PDSS2: variants seen among roughly 807,000 people sequenced by gnomAD.
The protein encoded by PDSS2 is decaprenyl diphosphate synthase subunit 2, also known as all trans-polyprenyl-diphosphate synthase PDSS2.
PDSS2 carries 31 observed loss-of-function variants against 44.5 expected under a neutral mutation model. The ratio of observed to expected loss-of-function variants is 0.70; its 90% CI spans 0.52 to 0.94. The LOEUF (loss-of-function observed/expected upper bound fraction) is 0.94. PDSS2 is among the 40% of genes least tolerant of loss of function. The pLI is 0.00. For missense variants in PDSS2, 452 were observed against 482.2 expected, an observed-to-expected ratio of 0.94 and a Z score of 0.59; for synonymous variants, 157 against 180.3, an observed-to-expected ratio of 0.87 and a Z score of 1.03.
At chr6:107,278,740 T>C (rs1212081254) in intron 2 of PDSS2, among the ~76,000 whole-genome samples, 2 of 152,088 alleles carry the variant, frequency 1.3e-5, no homozygotes, top group Non-Finnish European at 2.9e-5. Context: ...ACAAAAACAA[T>C]GGTATGCAAT....
At chr6:107,290,577 C>G (rs910727891) in intron 2 of PDSS2, among the ~76,000 whole-genome samples, 3 of 152,166 alleles carry the variant, frequency 2.0e-5, no homozygotes, top group Admixed American at 2.0e-4. Context: ...CTCATTCACT[C>G]TCTTCTGTGA....
chr6:107,216,943 AG>A (rs1283875827), intron 4 of PDSS2, among the ~76,000 whole-genome samples: 1 of 152,224 alleles, frequency 6.6e-6, no homozygotes, highest in Non-Finnish European at 1.5e-5. Flanking sequence ...AACTATATAT[AG>A]GGATTTGCTA....
In PDSS2 at chr6:107,253,318, G is replaced by A. The variant is rs974064556; in HGVS notation, c.631-7699C>T. Among the ~76,000 whole-genome samples the A allele has an allele frequency of 7.2e-5, 11 of 152,344 alleles. No individual in the cohort carries two copies. In the East Asian group the frequency reaches 2.1e-3, roughly 29 times the overall value. ...TCCCAAGTGCTGGGATTACAGGCGTGAGCCACTGCACCCGGCCATGTTTGT... is the reference window on the plus strand; with the variant it reads ...TCCCAAGTGCTGGGATTACAGGCGTAAGCCACTGCACCCGGCCATGTTTGT... On this transcript the variant is annotated intron_variant, in intron 3 of 7. Coordinates refer to ENST00000369037, the MANE Select transcript of PDSS2 (RefSeq NM_020381.4).
intron 1 of PDSS2, among the ~76,000 whole-genome samples, chr6:107,377,849 A>G (rs1779335469): frequency 6.6e-6 from 1 of 151,474 alleles, no homozygotes; most frequent in South Asian, 2.1e-4. Context: ...GAACACATGG[A>G]CACAGGAAGG....
At chr6:107,196,432 C>G (rs1223949767) in intron 6 of PDSS2, among the ~76,000 whole-genome samples, 2 of 152,210 alleles carry the variant, frequency 1.3e-5, no homozygotes, top group African/African-American at 2.4e-5. Context: ...TTCTCAAACT[C>G]GCAGCTGACT....
chr6:107,170,836 C>T (rs1554248402), intron 7 of PDSS2, among the ~76,000 whole-genome samples: 2 of 152,072 alleles, frequency 1.3e-5, no homozygotes, highest in African/African-American at 4.8e-5. Context: ...TGGTGTCGAA[C>T]TCCTGACCTC....
intron 6 of PDSS2, among the ~76,000 whole-genome samples, chr6:107,207,978 G>GTTTTTTTTTTGTT (rs1562375444): frequency 1.5e-5 from 1 of 67,548 alleles, no homozygotes; most frequent in East Asian, 6.0e-4. Context: ...TCTATGACTT[G>GTTTTTTTTTTGTT]TTTTTTTTTT....
intron 7 of PDSS2, among the ~76,000 whole-genome samples, chr6:107,173,532 C>T (rs1771670935): frequency 7.6e-6 from 1 of 131,222 alleles, no homozygotes; most frequent in Non-Finnish European, 1.6e-5. Flanking sequence ...CGAGATCGCG[C>T]CACTGCACTC....
chr6:107,328,417 A>G (rs1777615052), intron 2 of PDSS2, among the ~76,000 whole-genome samples: 1 of 152,100 alleles, frequency 6.6e-6, no homozygotes, highest in South Asian at 2.1e-4. Context: ...CAGTTTTCTC[A>G]TTGGTGAAAC....
At chr6:107,442,047 A>G (rs917693828) in intron 1 of PDSS2, among the ~76,000 whole-genome samples, 1 of 152,188 alleles carries the variant, frequency 6.6e-6, no homozygotes, top group Non-Finnish European at 1.5e-5. Context: ...AATTCCTGCT[A>G]CTGACTGCCC....
intron 1 of PDSS2, among the ~76,000 whole-genome samples, chr6:107,370,942 T>C (rs1365736297): frequency 1.3e-5 from 2 of 152,178 alleles, no homozygotes; most frequent in Non-Finnish European, 1.5e-5. Context: ...CCCAGCACTT[T>C]GGGAGGCTGA....
At chr6:107,342,986 T>A (rs551210561) in intron 1 of PDSS2, among the ~76,000 whole-genome samples, 17 of 152,190 alleles carry the variant, frequency 1.1e-4, no homozygotes, top group South Asian at 2.1e-4. Flanking sequence ...TTTATTTTTT[T>A]AATTTATTTC....
rs557963273 is a variant in PDSS2, at chr6:107,291,422, A to G, written c.432-17195T>C. On this transcript the variant is annotated intron_variant, in intron 2 of 7. Coordinates refer to ENST00000369037, the MANE Select transcript of PDSS2 (RefSeq NM_020381.4). ...GAGTACAGTAGTGTTATTGTAGTTC[A>G]ATATGACCTCAAACTCCTGGGCTCA... 2.0e-5 allele frequency among the ~76,000 whole-genome samples: 3 copies of G among 150,750 alleles called. No homozygotes were observed. In the South Asian group the frequency reaches 6.3e-4, roughly 32 times the overall value.
At chr6:107,404,398 A>G (rs1318797609) in intron 1 of PDSS2, among the ~76,000 whole-genome samples, 2 of 152,152 alleles carry the variant, frequency 1.3e-5, no homozygotes, top group African/African-American at 4.8e-5. Flanking sequence ...ATTTTTGGGT[A>G]TCTTTACAGC....
intron 4 of PDSS2, among the ~76,000 whole-genome samples, chr6:107,235,255 GATCCTCCCT>G (rs1774186557): frequency 6.6e-6 from 1 of 152,160 alleles, no homozygotes. Flanking sequence ...GGTAAACACA[GATCCTCCCT>G]AAAGTCTTCG....
At chr6:107,413,456 A>G (rs1392506290) in intron 1 of PDSS2, among the ~76,000 whole-genome samples, 1 of 152,180 alleles carries the variant, frequency 6.6e-6, no homozygotes, top group East Asian at 1.9e-4. Context: ...GAATTTCTTA[A>G]GCTCGGGAGA....
At chr6:107,196,983 G>T (rs928592677) in intron 6 of PDSS2, among the ~76,000 whole-genome samples, 3 of 152,172 alleles carry the variant, frequency 2.0e-5, no homozygotes, top group African/African-American at 7.2e-5. Flanking sequence ...AGAGGAAATG[G>T]AAAACTCCAC....
chr6:107,443,934 T>C (rs577442214), intron 1 of PDSS2, among the ~76,000 whole-genome samples: 121 of 152,360 alleles, frequency 7.9e-4, no homozygotes, highest in Middle Eastern at 3.4e-3. Flanking sequence ...TGATAATCGC[T>C]AATATTTGGG....
At chr6:107,297,225 G>C (rs761531280) in intron 2 of PDSS2, among the ~76,000 whole-genome samples, 8 of 152,140 alleles carry the variant, frequency 5.3e-5, no homozygotes, top group Non-Finnish European at 1.0e-4. Flanking sequence ...GTCAGTCTCA[G>C]ATTTAATGTT....
Sources: allele counts gnomAD v4.1 joint callset (sites outside exome capture counted in the v4.1 genomes callset), GRCh38; gene constraint gnomAD v4.1.1; transcripts MANE v1.5; gene names NCBI Gene and HGNC (gene_info 2026-07-23, HGNC 2026-07-21).